The following GLOD4 variants were observed in gnomAD, a reference collection of about 807,000 sequenced individuals.
The protein encoded by GLOD4 is glyoxalase domain containing 4, also known as glyoxalase domain-containing protein 4.
GLOD4 carries 44 observed loss-of-function variants against 39.1 expected under a neutral mutation model. The ratio of observed to expected loss-of-function variants is 1.13; its 90% confidence interval spans 0.88 to 1.45. The LOEUF is 1.45. Ranked by LOEUF, GLOD4 falls within the 40% of genes most tolerant of loss-of-function variation. The pLI, the probability that GLOD4 is intolerant of heterozygous loss-of-function variation, is 0.00. For synonymous variants in GLOD4, 145 were observed against 135.0 expected (o/e 1.07, Z -0.52); for missense variants, 405 against 366.4 (o/e 1.11, Z -0.86).
intron 1 of GLOD4, among the ~76,000 whole-genome samples, chr17:779,749 T>C (rs1219875939): frequency 1.3e-5 from 2 of 152,220 alleles, no homozygotes; most frequent in Non-Finnish European, 2.9e-5. Context: ...ATGGATGTTA[T>C]GAAAGCATCT....
chr17:774,755 T>A (rs1254189368), intron 4 of GLOD4, among the ~76,000 whole-genome samples: 1 of 152,034 alleles, frequency 6.6e-6, no homozygotes, highest in Non-Finnish European at 1.5e-5. Flanking sequence ...CTAGGAAAGT[T>A]TTTCTTCTGC....
intron 4 of GLOD4, among the ~76,000 whole-genome samples, chr17:772,278 G>A (rs1908116099): frequency 6.9e-6 from 1 of 145,002 alleles, no homozygotes; most frequent in Admixed American, 7.0e-5. Flanking sequence ...CATTTGGTAA[G>A]AAAAACTTAC....
At chr17:770,010 G>T in intron 7 of GLOD4, 34 bp downstream of exon 7, 1 of 1,547,090 alleles carries the variant, frequency 6.5e-7, no homozygotes, top group Non-Finnish European at 8.9e-7. Context: ...AGAAACCCCT[G>T]GTCCAGCCTG....
chr17:770,136 T>C lies in GLOD4; in HGVS notation c.652A>G (p.Met218Val), dbSNP rs775281534. 1 of 1,610,302 alleles carries C rather than the reference T, an allele frequency of 6.2e-7. No individual in the cohort carries two copies. Among genetic ancestry groups the C allele is most frequent in the Admixed American group, 1.7e-5 (1 of 59,976 alleles). The change falls in exon 7 of 9, where the codon ATG (methionine) becomes GTG (valine). Residue 218 changes from methionine to valine, a missense_variant. Met to Val is a conservative substitution (Grantham distance 21, BLOSUM62 1). Coordinates refer to ENST00000301329, the MANE Select transcript of GLOD4 (RefSeq NM_016080.4). ...QKELPDLEDL[M>V]KRENQKILTP... ...AGAATCTTCTGGTTCTCCCTTTTCATCAAGTCTTCTAAGTCTGGCAACTTG... is the reference window on the plus strand; with the variant it reads ...AGAATCTTCTGGTTCTCCCTTTTCACCAAGTCTTCTAAGTCTGGCAACTTG...
At position 776,933 on chromosome 17, in the gene GLOD4, G is replaced by A. The variant is rs1909068943; in HGVS notation, c.196C>T (p.His66Tyr). 7 of 1,608,674 alleles carry A rather than the reference G, an allele frequency of 4.4e-6. No individual in the cohort carries two copies. The highest frequency in any genetic ancestry group is 6.0e-6 in the Non-Finnish European group (7 of 1,175,018). The change falls in exon 3 of 9, where the codon CAT becomes TAT. Residue 66 changes from histidine to tyrosine, a missense_variant. Transcript: ENST00000301329. ...TTGTAAGTCAGTTCTGCGACAAAAT[G>A]ATCATCCTCAGGCCCAAATCCCACC... Reference protein sequence around the residue: ...TMVGFGPEDDHFVAELTYNYG... With the variant: ...TMVGFGPEDDYFVAELTYNYG...
intron 8 of GLOD4, among the ~76,000 whole-genome samples, chr17:763,110 G>A (rs1353764425): frequency 1.3e-5 from 2 of 151,616 alleles, no homozygotes; most frequent in Non-Finnish European, 2.9e-5. Context: ...GTGAACCCGG[G>A]AGGCGGAGCT....
chr17:774,210 C>T (rs1908489081), intron 4 of GLOD4, among the ~76,000 whole-genome samples: 1 of 152,258 alleles, frequency 6.6e-6, no homozygotes, highest in African/African-American at 2.4e-5. Context: ...TAGCCTCCCA[C>T]ACTGGAACAG....
Position 769,938 on chromosome 17 carries a change from G to A in GLOD4, c.762C>T (p.Cys254=), listed in dbSNP as rs767711047. Residue 254 remains cysteine (C), a synonymous_variant, in exon 8 of 9, where the codon TGC becomes TGT. Transcript: ENST00000301329. Reference sequence around the variant, plus strand: ...CTCGAAATGCTTCATCCCCGACAAAGCAAATTTCATGTCCGTCCTACACCA... The same window carrying A: ...CTCGAAATGCTTCATCCCCGACAAAACAAATTTCATGTCCGTCCTACACCA... ...ILADPDGHEI[C]FVGDEAFREL... is the part of the protein sequence containing the mutation. 8 of 1,610,672 alleles carry A rather than the reference G, an allele frequency of 5.0e-6. No homozygotes were observed. The South Asian group carries it at 8.8e-5, about 18-fold the overall frequency.
intron 3 of GLOD4, among the ~76,000 whole-genome samples, chr17:776,256 T>C (rs1007636940): frequency 6.6e-6 from 1 of 152,240 alleles, no homozygotes; most frequent in Non-Finnish European, 1.5e-5. Context: ...AGGTGACCTG[T>C]TCTTGCTTTT....
intron 4 of GLOD4, among the ~76,000 whole-genome samples, chr17:775,124 A>T (rs939915156): frequency 2.0e-5 from 3 of 149,328 alleles, no homozygotes; most frequent in African/African-American, 4.9e-5. Context: ...AAAAAAAAAA[A>T]GCTGAGCGTG....
Position 775,893 on chromosome 17 carries a change from A to T in GLOD4, c.288T>A (p.Ala96=), listed in dbSNP as rs1187316930. 6.2e-7 allele frequency: 1 copy of T among 1,613,590 alleles called. No homozygotes were observed. The highest frequency in any genetic ancestry group is 2.2e-5 in the East Asian group (1 of 44,884). Residue 96 remains alanine, a synonymous_variant, in exon 4 of 9, where the codon GCT becomes GCA. Coordinates refer to ENST00000301329, the MANE Select transcript of GLOD4 (RefSeq NM_016080.4). ...ACTCCAGCTTCCTGGCGTTGCTGAC[A>T]GCCTGGCTAGAAGCGAGCGTGATTC... ...FMGITLASSQ[A]VSNARKLEWP... is the part of the protein sequence containing the mutation.
chr17:780,961 TC>T (rs1909838927), intron 1 of GLOD4, among the ~76,000 whole-genome samples: 1 of 143,468 alleles, frequency 7.0e-6, no homozygotes, highest in African/African-American at 2.6e-5. Context: ...GCTTTCGTCA[TC>T]CAGGCTGGAA....
intron 5 of GLOD4, 199 bp from the exon 6 acceptor site, chr17:770,706 T>TC (rs1907814679): frequency 2.3e-6 from 1 of 428,554 alleles, no homozygotes; most frequent in Non-Finnish European, 4.2e-6. Flanking sequence ...TTTTTTTTTT[T>TC]ACACAAATGG....
At chr17:782,397 C>A (rs149975218), upstream of GLOD4, 16 of 1,613,744 alleles carry the variant, frequency 9.9e-6, no homozygotes, top group Non-Finnish European at 1.4e-5. Flanking sequence ...GCTGGTGAGA[C>A]CCGCGAGGTT....
rs1035174176 is a variant in GLOD4 at position 776,890 on chromosome 17, T to C, written c.239A>G (p.Tyr80Cys). ...TACCATAAAGTCATTGCCAAGCTTG[T>C]AGTCTCCGACGCCATAATTGTAAGT... ...ELTYNYGVGD[Y>C]KLGNDFMGIT... Residue 80 changes from tyrosine to cysteine, a missense_variant, in exon 3 of 9, where the codon TAC becomes TGC. Tyr to Cys is a radical substitution (Grantham distance 194, BLOSUM62 -2). Coordinates refer to ENST00000301329, the MANE Select transcript of GLOD4 (RefSeq NM_016080.4). 1 of 1,613,164 alleles carries C rather than the reference T, an allele frequency of 6.2e-7. No individual in the cohort carries two copies.
At chr17:783,399 C>A, upstream of GLOD4, 1 of 1,437,074 alleles carries the variant, frequency 7.0e-7, no homozygotes, top group Non-Finnish European at 9.3e-7. Context: ...TGCAATGGCG[C>A]GATCTCGGCC....
At chr17:767,951 GA>G (rs1207916390) in intron 8 of GLOD4, among the ~76,000 whole-genome samples, 1 of 142,902 alleles carries the variant, frequency 7.0e-6, no homozygotes, top group East Asian at 2.2e-4. Flanking sequence ...GTAAGAGAGA[GA>G]AACAGCGCGC....
intron 4 of GLOD4, among the ~76,000 whole-genome samples, chr17:775,233 T>C (rs1908693859): frequency 6.6e-6 from 1 of 150,914 alleles, no homozygotes; most frequent in Admixed American, 6.6e-5. Flanking sequence ...ATCATGCCAG[T>C]ACACTCCAGC....
At chr17:775,195 C>T (rs902204038) in intron 4 of GLOD4, among the ~76,000 whole-genome samples, 5 of 151,310 alleles carry the variant, frequency 3.3e-5, no homozygotes, top group Middle Eastern at 3.5e-3. Context: ...TGCTTGAACC[C>T]GGGAGGCAGA....
Sources: gnomAD v4.1 joint callset for allele counts (sites outside exome capture counted in the v4.1 genomes callset) on GRCh38, gnomAD v4.1.1 for gene constraint, MANE v1.5 for transcripts, NCBI Gene and HGNC (gene_info 2026-07-23, HGNC 2026-07-21) for gene names.